The following ZFHX3 variants were observed in gnomAD, a reference collection of about 807,000 sequenced individuals.
ZFHX3 encodes the protein zinc finger homeobox 3, also known as zinc finger homeobox protein 3.
In ZFHX3, 42 loss-of-function variants were observed where a neutral mutation model predicts 279.1. The ratio of observed to expected loss-of-function variants is 0.15; its 90% CI spans 0.12 to 0.19. The LOEUF (loss-of-function observed/expected upper bound fraction) is 0.19, where lower values mean the gene tolerates loss of function less well. Among genes scored for constraint, ZFHX3 ranks in the 10% least tolerant of loss-of-function variants. The pLI, the probability that ZFHX3 is intolerant of heterozygous loss-of-function variation, is 1.00. For missense variants in ZFHX3, 4,981 were observed against 4,754.0 expected (o/e 1.05, Z -1.40); for synonymous variants, 2,293 against 1,957.8 (o/e 1.17, Z -4.52).
intron 3 of ZFHX3, among the ~76,000 whole-genome samples, chr16:73,328,664 A>G (rs900722559): frequency 6.6e-6 from 1 of 152,216 alleles, no homozygotes; most frequent in Non-Finnish European, 1.5e-5. Context: ...TCCTGATGAA[A>G]TAAACAGGCA....
At chr16:73,349,482 A>T (rs921228347) in intron 3 of ZFHX3, among the ~76,000 whole-genome samples, 1 of 152,180 alleles carries the variant, frequency 6.6e-6, no homozygotes, top group Non-Finnish European at 1.5e-5. Flanking sequence ...TGTACCTTTC[A>T]TTGGGGTGAT....
chr16:72,906,378 G>C (rs115074317), intron 3 of ZFHX3, among the ~76,000 whole-genome samples: 15 of 151,988 alleles, frequency 9.9e-5, no homozygotes, highest in South Asian at 4.2e-4. Context: ...GATCGCACTG[G>C]GGGGGCATGG....
intron 3 of ZFHX3, among the ~76,000 whole-genome samples, chr16:73,429,910 C>T (rs935896062): frequency 6.6e-6 from 1 of 151,618 alleles, no homozygotes; most frequent in African/African-American, 2.4e-5. Context: ...TGGTTCGAGA[C>T]AGGGCCTTGC....
At chr16:73,534,004 A>G (rs914159884) in intron 2 of ZFHX3, among the ~76,000 whole-genome samples, 1 of 152,094 alleles carries the variant, frequency 6.6e-6, no homozygotes, top group African/African-American at 2.4e-5. Context: ...AATCCTTCTG[A>G]TCTCATCTGA....
intron 3 of ZFHX3, among the ~76,000 whole-genome samples, chr16:73,438,091 A>T (rs1198324181): frequency 2.0e-5 from 3 of 152,104 alleles, no homozygotes; most frequent in Non-Finnish European, 4.4e-5. Context: ...AAAAAAAAAA[A>T]TGGCAAATGT....
chr16:73,029,930 A>G (rs1381393850), intron 1 of ZFHX3, among the ~76,000 whole-genome samples: 1 of 152,260 alleles, frequency 6.6e-6, no homozygotes, highest in East Asian at 1.9e-4. Flanking sequence ...CAGCATGCAC[A>G]TAAACACACT....
chr16:73,832,567 G>A (rs774252994), intron 1 of ZFHX3, among the ~76,000 whole-genome samples: 2 of 152,034 alleles, frequency 1.3e-5, no homozygotes, highest in African/African-American at 2.4e-5. Context: ...AAGAGACAGG[G>A]TCTCACTCTG....
intron 2 of ZFHX3, among the ~76,000 whole-genome samples, chr16:73,488,570 A>C (rs1597355440): frequency 6.6e-6 from 1 of 152,118 alleles, no homozygotes; most frequent in Admixed American, 6.5e-5. Flanking sequence ...GGGCAAATAA[A>C]CACTGGGGAT....
chr16:72,873,860 T>C (rs997966435), intron 4 of ZFHX3, among the ~76,000 whole-genome samples: 4 of 152,232 alleles, frequency 2.6e-5, no homozygotes, highest in Non-Finnish European at 1.5e-5. Context: ...TTATTCTTAA[T>C]GGCTACACAG....
intron 1 of ZFHX3, among the ~76,000 whole-genome samples, chr16:73,765,852 T>C (rs56397092): frequency 5.3e-5 from 8 of 152,338 alleles, no homozygotes; most frequent in Admixed American, 1.3e-4. Context: ...GGTTCATGTG[T>C]TTCTGCCTCA....
intron 5 of ZFHX3, among the ~76,000 whole-genome samples, chr16:73,193,154 G>A (rs1445748859): frequency 2.0e-5 from 3 of 152,184 alleles, no homozygotes; most frequent in Non-Finnish European, 4.4e-5. Flanking sequence ...AGTGCCAAGT[G>A]ATATTGGTGG....
chr16:73,397,932 C>T (rs75493334), intron 3 of ZFHX3, among the ~76,000 whole-genome samples: 1 of 152,174 alleles, frequency 6.6e-6, no homozygotes, highest in South Asian at 2.1e-4. Context: ...GCAACCTCTG[C>T]CTCCCAGGTT....
chr16:73,718,208 C>T (rs1158969734), intron 1 of ZFHX3, among the ~76,000 whole-genome samples: 3 of 152,126 alleles, frequency 2.0e-5, no homozygotes, highest in South Asian at 2.1e-4. Context: ...GCCAGGAACT[C>T]GCGACAAGCC....
intron 3 of ZFHX3, among the ~76,000 whole-genome samples, chr16:72,925,276 C>T (rs1032609368): frequency 1.3e-5 from 2 of 152,212 alleles, no homozygotes; most frequent in Admixed American, 6.5e-5. Context: ...AATCCTTGCC[C>T]ACCGTCAATG....
intron 3 of ZFHX3, among the ~76,000 whole-genome samples, chr16:72,905,194 A>T (rs2039138859): frequency 6.6e-6 from 1 of 152,108 alleles, no homozygotes; most frequent in Non-Finnish European, 1.5e-5. Context: ...TCTGTCCCTC[A>T]ATGACTGAGA....
chr16:72,991,027 C>A (rs946128110), intron 1 of ZFHX3, among the ~76,000 whole-genome samples: 2 of 151,074 alleles, frequency 1.3e-5, no homozygotes, highest in Non-Finnish European at 1.5e-5. Flanking sequence ...GGGTTAATGA[C>A]AAAGAAGTCC....
chr16:73,545,256 G>A (rs908424856), intron 2 of ZFHX3, among the ~76,000 whole-genome samples: 2 of 152,004 alleles, frequency 1.3e-5, no homozygotes, highest in African/African-American at 2.4e-5. Context: ...TTCAAATCAC[G>A]GGCTCTTTCT....
intron 2 of ZFHX3, among the ~76,000 whole-genome samples, chr16:73,603,242 G>C (rs1410855994): frequency 6.9e-6 from 1 of 145,684 alleles, no homozygotes; most frequent in African/African-American, 2.6e-5. Flanking sequence ...CCAAGATTGC[G>C]ACACTGCACT....
In ZFHX3 at chr16:73,256,094, C is replaced by A. The variant is rs114919987; in HGVS notation, c.-1104+953G>T. Among the ~76,000 whole-genome samples the A allele has an allele frequency of 1.6e-3, 244 of 152,302 alleles. 1 individual carries two copies. Among genetic ancestry groups the A allele is most frequent in the African/African-American group, 5.3e-3 (220 of 41,572 alleles). On this transcript the variant is annotated intron_variant, in intron 5 of 17. Coordinates refer to the ZFHX3 transcript ENST00000641206. The stretch of plus-strand genomic sequence containing the variant: ...ATGACCATGACATCTCAGGGAGTGA[C>A]ACAGACTGACAAGATCACGCTCGAA...
Sources: allele counts gnomAD v4.1 joint callset (sites outside exome capture counted in the v4.1 genomes callset), GRCh38; gene constraint gnomAD v4.1.1; transcripts MANE v1.5; gene names NCBI Gene and HGNC (gene_info 2026-07-23, HGNC 2026-07-21).